ADGRL3: variants seen among roughly 807,000 people sequenced by gnomAD.
The protein encoded by ADGRL3 is adhesion G protein-coupled receptor L3, also known as calcium-independent alpha-latrotoxin receptor 3.
A neutral mutation model predicts 153.5 loss-of-function variants in ADGRL3; 62 were observed. The observed-to-expected ratio is 0.40, with a 90% confidence interval of 0.33 to 0.50. ADGRL3 has a LOEUF of 0.50. Among genes scored for constraint, ADGRL3 ranks in the 20% least tolerant of loss-of-function variants. The pLI is 0.47. For missense variants in ADGRL3, 1,641 were observed against 1,859.4 expected (o/e 0.88, Z 2.16); for synonymous variants, 710 against 672.5 (o/e 1.06, Z -0.86).
chr4:62,066,020 C>A (rs1358121512), intron 25 of ADGRL3, among the ~76,000 whole-genome samples: 3 of 151,752 alleles, frequency 2.0e-5, no homozygotes, highest in African/African-American at 7.3e-5. Context: ...TTTAAAAAAC[C>A]AAAGTAAATA....
At chr4:61,409,204 A>G (rs1375906999) in intron 2 of ADGRL3, among the ~76,000 whole-genome samples, 20 of 144,740 alleles carry the variant, frequency 1.4e-4, no homozygotes, top group African/African-American at 5.0e-4. Flanking sequence ...TATATTATAT[A>G]TATTAGACAT....
At chr4:61,951,725 C>T (rs944826915) in intron 17 of ADGRL3, among the ~76,000 whole-genome samples, 2 of 152,052 alleles carry the variant, frequency 1.3e-5, no homozygotes, top group South Asian at 2.1e-4. Flanking sequence ...ATTAGCTGGG[C>T]GTGATGGTGC....
intron 5 of ADGRL3, among the ~76,000 whole-genome samples, chr4:61,604,213 C>T (rs147332087): frequency 6.9e-4 from 105 of 152,184 alleles, no homozygotes; most frequent in African/African-American, 9.6e-4. Context: ...ACTAGAACCA[C>T]GCAGCTGTGC....
At position 61,432,043 on chromosome 4, in the gene ADGRL3, C is replaced by T. The variant is rs1045563276; in HGVS notation, c.-174+48854C>T. On this transcript the variant is annotated intron_variant, in intron 2 of 26. Transcript: ENST00000683033. Reference sequence around the variant, plus strand: ...TGGACCTACAGAGCTTTTGCAGAATCAGTTGCCTTGCTTGGTATATGTAAT... The same window carrying T: ...TGGACCTACAGAGCTTTTGCAGAATTAGTTGCCTTGCTTGGTATATGTAAT... Among the ~76,000 whole-genome samples, 4 of 152,172 alleles carry T rather than the reference C, an allele frequency of 2.6e-5. No individual in the cohort carries two copies. The East Asian group carries it at 7.7e-4, about 29-fold the overall frequency.
chr4:61,269,959 T>C (rs1263518692), intron 1 of ADGRL3, among the ~76,000 whole-genome samples: 1 of 151,666 alleles, frequency 6.6e-6, no homozygotes, highest in Non-Finnish European at 1.5e-5. Flanking sequence ...CAAAGTTACA[T>C]GTCAAATGGT....
At chr4:61,759,717 G>A (rs1374444559) in intron 8 of ADGRL3, among the ~76,000 whole-genome samples, 3 of 152,198 alleles carry the variant, frequency 2.0e-5, no homozygotes, top group African/African-American at 7.2e-5. Flanking sequence ...CTGGTGAGGA[G>A]CTGCGTTCCT....
chr4:61,306,547 C>G (rs1308460393), intron 1 of ADGRL3, among the ~76,000 whole-genome samples: 1 of 152,092 alleles, frequency 6.6e-6, no homozygotes, highest in African/African-American at 2.4e-5. Context: ...GCTACTAATT[C>G]AAATTTTTGC....
In ADGRL3 at chr4:61,364,941, C is replaced by A. The variant is rs565442930; in HGVS notation, c.-239-18183C>A. Among the ~76,000 whole-genome samples the A allele has an allele frequency of 5.9e-5, 9 of 152,234 alleles. No homozygotes were observed. The South Asian group carries it at 1.7e-3, about 28-fold the overall frequency. On this transcript the variant is annotated intron_variant, in intron 1 of 26. Transcript: ENST00000683033. The stretch of plus-strand genomic sequence containing the variant: ...TAAATAATAATTCAGTGCTCATATT[C>A]TTAAAAGTTCTAACAATTGTGACAA...
At chr4:61,769,886 T>C (rs1237208129) in intron 8 of ADGRL3, among the ~76,000 whole-genome samples, 1 of 151,988 alleles carries the variant, frequency 6.6e-6, no homozygotes, top group Non-Finnish European at 1.5e-5. Flanking sequence ...ACACTTCTTT[T>C]GTGGTGGAAT....
At chr4:61,516,714 G>A (rs1016128364) in intron 3 of ADGRL3, among the ~76,000 whole-genome samples, 4 of 151,814 alleles carry the variant, frequency 2.6e-5, no homozygotes, top group African/African-American at 9.7e-5. Flanking sequence ...TCACCTTAAC[G>A]TCCAGCACAG....
chr4:61,435,913 C>T (rs1351305518), intron 2 of ADGRL3, among the ~76,000 whole-genome samples: 3 of 151,710 alleles, frequency 2.0e-5, no homozygotes. Flanking sequence ...TTCTACTGAA[C>T]ATTTATTGGT....
At position 61,817,491 on chromosome 4, in the gene ADGRL3, A is replaced by G. The variant is rs993832317; in HGVS notation, c.1480+3602A>G. On this transcript the variant is annotated intron_variant, in intron 9 of 26. Transcript: ENST00000683033. Reference sequence around the variant, plus strand: ...CTGCAGAAGGGAGCCACCCACTGCCAGTCTCCTCTCCACTGAGAGCTGAAC... The same window carrying G: ...CTGCAGAAGGGAGCCACCCACTGCCGGTCTCCTCTCCACTGAGAGCTGAAC... Among the ~76,000 whole-genome samples, 5 of 152,086 alleles carry G rather than the reference A, an allele frequency of 3.3e-5. No individual in the cohort carries two copies. In the East Asian group the frequency reaches 9.7e-4, roughly 29 times the overall value.
At chr4:61,759,601 T>C (rs532589429) in intron 8 of ADGRL3, among the ~76,000 whole-genome samples, 1 of 152,258 alleles carries the variant, frequency 6.6e-6, no homozygotes, top group South Asian at 2.1e-4. Flanking sequence ...TTTAATTTCT[T>C]TGCCATGGGT....
intron 1 of ADGRL3, among the ~76,000 whole-genome samples, chr4:61,218,917 C>T (rs149079133): frequency 4.0e-5 from 6 of 150,062 alleles, no homozygotes; most frequent in African/African-American, 1.2e-4. Flanking sequence ...AATGGGAAGC[C>T]ATGAAAGGTT....
intron 25 of ADGRL3, among the ~76,000 whole-genome samples, chr4:62,057,381 C>T (rs1387729912): frequency 6.6e-6 from 1 of 152,054 alleles, no homozygotes; most frequent in Admixed American, 6.6e-5. Context: ...GGGTGTGACT[C>T]ATTATTTCAT....
At chr4:61,988,764 G>T (rs2099094298) in intron 19 of ADGRL3, among the ~76,000 whole-genome samples, 1 of 152,124 alleles carries the variant, frequency 6.6e-6, no homozygotes, top group African/African-American at 2.4e-5. Flanking sequence ...CCAGGAAAAG[G>T]GAGAGAGCAC....
chr4:62,066,032 C>G (rs1742820014), intron 25 of ADGRL3, among the ~76,000 whole-genome samples: 1 of 151,940 alleles, frequency 6.6e-6, no homozygotes, highest in Non-Finnish European at 1.5e-5. Flanking sequence ...AAGTAAATAA[C>G]TTTATTAATG....
At chr4:61,251,576 C>T (rs185763609) in intron 1 of ADGRL3, among the ~76,000 whole-genome samples, 30 of 152,162 alleles carry the variant, frequency 2.0e-4, no homozygotes, top group African/African-American at 7.0e-4. Flanking sequence ...TGGTTATCGC[C>T]AATGAGATGA....
chr4:61,949,412 A>G (rs1397303603), intron 17 of ADGRL3, among the ~76,000 whole-genome samples: 1 of 152,168 alleles, frequency 6.6e-6, no homozygotes. Flanking sequence ...AAAATCTTAA[A>G]ATAGGCCGGG....
Sources: allele counts gnomAD v4.1 joint callset (sites outside exome capture counted in the v4.1 genomes callset), GRCh38; gene constraint gnomAD v4.1.1; transcripts MANE v1.5; gene names NCBI Gene and HGNC (gene_info 2026-07-23, HGNC 2026-07-21).